LRRTM4: variants seen among roughly 807,000 people sequenced by gnomAD.
LRRTM4 encodes the protein leucine-rich repeat transmembrane neuronal protein 4.
In LRRTM4, 25 loss-of-function variants were observed where a neutral mutation model predicts 47.6. The ratio of observed to expected loss-of-function variants is 0.53; its 90% CI spans 0.38 to 0.73. The LOEUF is 0.73. LRRTM4 is among the 30% of genes least tolerant of loss of function. LRRTM4 has a pLI of 0.00. For missense variants in LRRTM4, 638 were observed against 713.4 expected (o/e 0.89, Z 1.20); for synonymous variants, 311 against 269.5 (o/e 1.15, Z -1.51).
intron 3 of LRRTM4, among the ~76,000 whole-genome samples, chr2:77,342,998 G>C (rs1671430914): frequency 6.6e-6 from 1 of 151,948 alleles, no homozygotes. Context: ...TGATAAAGTG[G>C]TTCTAGTTAT....
At chr2:77,423,517 T>A (rs1674985552) in intron 3 of LRRTM4, among the ~76,000 whole-genome samples, 1 of 152,268 alleles carries the variant, frequency 6.6e-6, no homozygotes, top group South Asian at 2.1e-4. Flanking sequence ...GCTAGTAGCA[T>A]GGCACCATGC....
At chr2:77,369,363 A>C (rs569874336) in intron 3 of LRRTM4, among the ~76,000 whole-genome samples, 1 of 151,834 alleles carries the variant, frequency 6.6e-6, no homozygotes, top group African/African-American at 2.4e-5. Flanking sequence ...AATAAGAATA[A>C]AACAGTTGTT....
At chr2:76,983,519 G>T (rs558143714) in intron 3 of LRRTM4, among the ~76,000 whole-genome samples, 1 of 151,988 alleles carries the variant, frequency 6.6e-6, no homozygotes, top group African/African-American at 2.4e-5. Flanking sequence ...ACATGCCTTT[G>T]CTGCTCCTTC....
intron 3 of LRRTM4, among the ~76,000 whole-genome samples, chr2:77,409,300 T>C (rs1674332095): frequency 6.6e-6 from 1 of 152,218 alleles, no homozygotes; most frequent in Non-Finnish European, 1.5e-5. Flanking sequence ...AACGGAATTC[T>C]ATTTTCTTAC....
At chr2:77,165,899 C>A (rs372817507) in intron 3 of LRRTM4, among the ~76,000 whole-genome samples, 10 of 152,110 alleles carry the variant, frequency 6.6e-5, no homozygotes, top group Middle Eastern at 3.4e-3. Flanking sequence ...GAAAACTGGC[C>A]CAAGACAGGG....
At chr2:77,279,397 T>G (rs971546264) in intron 3 of LRRTM4, among the ~76,000 whole-genome samples, 35 of 152,102 alleles carry the variant, frequency 2.3e-4, no homozygotes, top group African/African-American at 7.9e-4. Flanking sequence ...CAACCAAATT[T>G]ATGTATATTC....
rs111468624 is a variant in LRRTM4 at position 76,814,806 on chromosome 2, T to TACACAC, written c.1552-65896_1552-65891dup. Reference sequence around the variant, plus strand: ...AATGGCTTCAAGATACACACACACATACACACACACACACACACACACACA... The same window carrying TACACAC: ...AATGGCTTCAAGATACACACACACATACACACACACACACACACACACACACACACA... On this transcript the variant is annotated intron_variant, in intron 3 of 3. Transcript: ENST00000409884. Among the ~76,000 whole-genome samples, 7 of 52,660 alleles carry TACACAC rather than the reference T, an allele frequency of 1.3e-4. No homozygotes were observed. The South Asian group carries it at 3.4e-3, about 26-fold the overall frequency. 34.5% of individuals were successfully genotyped at this position (52,660 alleles called of 152,430 possible). A position where few individuals can be genotyped will look rare whatever the true frequency, so the allele number is the denominator to read the frequency against.
intron 3 of LRRTM4, among the ~76,000 whole-genome samples, chr2:76,972,841 T>G (rs75170359): frequency 2.6e-5 from 4 of 151,976 alleles, no homozygotes; most frequent in Admixed American, 2.0e-4. Flanking sequence ...TGTGTCTGAT[T>G]TATTATGTCA....
rs529716332 is a variant in LRRTM4 at position 76,794,078 on chromosome 2, T to C, written c.1552-45162A>G. Among the ~76,000 whole-genome samples, 11 of 152,282 alleles carry C rather than the reference T, an allele frequency of 7.2e-5. No homozygotes were observed. In the South Asian group the frequency reaches 1.9e-3, roughly 26 times the overall value. On this transcript the variant is annotated intron_variant, in intron 3 of 3. Coordinates refer to ENST00000409884, the MANE Select transcript of LRRTM4 (RefSeq NM_001134745.3). ...CAGGAACTAAGAATTGTAAAAGCGGTTGTCAGTCTCCTGAGCCACATCCCA... is the reference window on the plus strand; with the variant it reads ...CAGGAACTAAGAATTGTAAAAGCGGCTGTCAGTCTCCTGAGCCACATCCCA...
At chr2:77,442,367 T>C (rs1675878467) in intron 3 of LRRTM4, among the ~76,000 whole-genome samples, 1 of 152,180 alleles carries the variant, frequency 6.6e-6, no homozygotes, top group South Asian at 2.1e-4. Flanking sequence ...AGTCTTAAAA[T>C]TGATGGCATT....
chr2:76,929,925 TTGTGTGTGTGTGTG>T (rs3055992), intron 3 of LRRTM4, among the ~76,000 whole-genome samples: 7,912 of 149,314 alleles, frequency 0.053, 481 homozygotes, highest in East Asian at 0.13. Flanking sequence ...CAATTAGAGT[TTGTGTGTGTGTGTG>T]TGTGTGTGTG....
chr2:77,354,216 A>C (rs1181758709), intron 3 of LRRTM4, among the ~76,000 whole-genome samples: 1 of 152,116 alleles, frequency 6.6e-6, no homozygotes, highest in Non-Finnish European at 1.5e-5. Context: ...TGTTTCAGCT[A>C]GTCTTCAATC....
intron 3 of LRRTM4, among the ~76,000 whole-genome samples, chr2:77,355,475 T>C (rs1429930220): frequency 2.0e-5 from 3 of 152,144 alleles, no homozygotes; most frequent in Non-Finnish European, 4.4e-5. Context: ...TTCTTACTAA[T>C]CACCGGTTGT....
At chr2:77,207,372 T>TAC (rs66858623) in intron 3 of LRRTM4, among the ~76,000 whole-genome samples, 11 of 131,110 alleles carry the variant, frequency 8.4e-5, no homozygotes, top group Admixed American at 4.5e-4. Context: ...TATATATATA[T>TAC]ACACACACAC....
intron 3 of LRRTM4, among the ~76,000 whole-genome samples, chr2:77,281,320 G>C (rs1158788713): frequency 1.3e-5 from 2 of 151,932 alleles, no homozygotes; most frequent in African/African-American, 4.8e-5. Flanking sequence ...TCTGTAGATG[G>C]TTATGATCTA....
chr2:77,327,443 T>C (rs1356844457), intron 3 of LRRTM4, among the ~76,000 whole-genome samples: 1 of 152,202 alleles, frequency 6.6e-6, no homozygotes, highest in African/African-American at 2.4e-5. Flanking sequence ...AGAAGCTATT[T>C]GGCCATGTAT....
chr2:77,053,743 T>C (rs565049674), intron 3 of LRRTM4, among the ~76,000 whole-genome samples: 65 of 152,090 alleles, frequency 4.3e-4, no homozygotes, highest in African/African-American at 1.5e-3. Context: ...TAGGTCACAA[T>C]ATAAAACTGA....
intron 3 of LRRTM4, among the ~76,000 whole-genome samples, chr2:77,502,814 G>C (rs1026220553): frequency 3.3e-5 from 5 of 151,578 alleles, no homozygotes; most frequent in African/African-American, 1.2e-4. Context: ...ACTATACAAG[G>C]ATTTCTGCAA....
rs754540782 is a variant in LRRTM4, at chr2:77,207,866, CTTTTTTTTTTTTTT to C, written c.1551+310438_1551+310451del. ...ATGAAAGTTGAATAAGGGAAAGTGG[CTTTTTTTTTTTTTT>C]TTTTTTTTTTTTTGTGAGATGTAGT... On this transcript the variant is annotated intron_variant, in intron 3 of 3. Transcript: ENST00000409884. Among the ~76,000 whole-genome samples the C allele has an allele frequency of 1.6e-4, 7 of 42,594 alleles. 1 individual carries two copies. The highest frequency in any genetic ancestry group is 1.2e-3 in the South Asian group (1 of 802). The allele number at this position is 42,594 out of a possible 152,430, so 27.9% of individuals were successfully genotyped here.
Sources: allele counts gnomAD v4.1 joint callset (sites outside exome capture counted in the v4.1 genomes callset), GRCh38; gene constraint gnomAD v4.1.1; transcripts MANE v1.5; gene names NCBI Gene and HGNC (gene_info 2026-07-23, HGNC 2026-07-21).